The following HIVEP2 variants were observed in gnomAD, a reference collection of about 807,000 sequenced individuals.
The protein encoded by HIVEP2 is HIVEP zinc finger 2, also known as transcription factor HIVEP2.
A neutral mutation model predicts 180.7 loss-of-function variants in HIVEP2; 14 were observed. The ratio of observed to expected loss-of-function variants is 0.08; its 90% CI spans 0.05 to 0.12. The LOEUF (loss-of-function observed/expected upper bound fraction) is 0.12. Ranked by LOEUF, HIVEP2 falls within the 10% of genes least tolerant of loss-of-function variation. The pLI, the probability that HIVEP2 is intolerant of heterozygous loss-of-function variation, is 1.00. For missense variants in HIVEP2, 2,579 were observed against 3,008.5 expected, an observed-to-expected ratio of 0.86 and a Z score of 3.34; for synonymous variants, 1,184 against 1,136.4, an observed-to-expected ratio of 1.04 and a Z score of -0.84.
At chr6:142,858,357 C>T (rs554435646) in intron 1 of HIVEP2, among the ~76,000 whole-genome samples, 1 of 152,046 alleles carries the variant, frequency 6.6e-6, no homozygotes, top group Non-Finnish European at 1.5e-5. Context: ...CTAATTAACA[C>T]ACAGGCATGA....
At chr6:142,763,455 G>T (rs1400648694) in intron 7 of HIVEP2, among the ~76,000 whole-genome samples, 1 of 152,172 alleles carries the variant, frequency 6.6e-6, no homozygotes, top group Non-Finnish European at 1.5e-5. Flanking sequence ...TTCCCAAAGG[G>T]TGACAAGGAA....
At position 142,773,348 on chromosome 6, in the gene HIVEP2, G is replaced by C; in HGVS notation, c.1391C>G (p.Thr464Ser). The C allele has an allele frequency of 4.3e-6, 7 of 1,614,134 alleles. No individual in the cohort carries two copies. The highest frequency in any genetic ancestry group is 5.9e-6 in the Non-Finnish European group (7 of 1,180,018). The change falls in exon 5 of 10, where the codon ACC becomes AGC. Residue 464 changes from threonine to serine, a missense_variant. Transcript: ENST00000367603. ...TTCAAACATCTTGACATCTAACCTG[G>C]TGTTAACGTGAGGTAATGGTTCCAT... Reference protein sequence around the residue: ...GIMEPLPHVNTRLDVKMFEDP... With the variant: ...GIMEPLPHVNSRLDVKMFEDP...
At chr6:142,824,070 A>C (rs1404340007) in intron 2 of HIVEP2, among the ~76,000 whole-genome samples, 1 of 152,178 alleles carries the variant, frequency 6.6e-6, no homozygotes, top group Non-Finnish European at 1.5e-5. Context: ...AATATTTTGT[A>C]TATGTTGAAT....
At chr6:142,903,359 G>C (rs1489015456) in intron 1 of HIVEP2, among the ~76,000 whole-genome samples, 1 of 152,144 alleles carries the variant, frequency 6.6e-6, no homozygotes, top group Non-Finnish European at 1.5e-5. Flanking sequence ...AATAAACATA[G>C]TACTTCACTT....
intron 9 of HIVEP2, among the ~76,000 whole-genome samples, chr6:142,757,430 G>A (rs1233346436): frequency 6.6e-6 from 1 of 152,184 alleles, no homozygotes; most frequent in African/African-American, 2.4e-5. Flanking sequence ...GGAGGCCGAG[G>A]CAGGCGGATC....
chr6:142,848,834 A>G (rs1775579833), intron 1 of HIVEP2, among the ~76,000 whole-genome samples: 2 of 152,114 alleles, frequency 1.3e-5, no homozygotes, highest in African/African-American at 4.8e-5. Flanking sequence ...CCATGAACTG[A>G]TCTCTATTTA....
chr6:142,880,388 T>C (rs1776551900), intron 1 of HIVEP2, among the ~76,000 whole-genome samples: 1 of 152,096 alleles, frequency 6.6e-6, no homozygotes, highest in Non-Finnish European at 1.5e-5. Context: ...CAGAGAGGAA[T>C]TGGACCCTCC....
intron 1 of HIVEP2, among the ~76,000 whole-genome samples, chr6:142,896,784 G>T (rs1406896676): frequency 6.6e-6 from 1 of 152,094 alleles, no homozygotes. Context: ...GCTGCTCCAG[G>T]ATTCTGCTCA....
At chr6:142,798,354 C>A (rs557178351) in intron 2 of HIVEP2, among the ~76,000 whole-genome samples, 2 of 152,284 alleles carry the variant, frequency 1.3e-5, no homozygotes, top group East Asian at 3.9e-4. Flanking sequence ...GCTGAAAGCA[C>A]ACCACCACTG....
intron 1 of HIVEP2, among the ~76,000 whole-genome samples, chr6:142,930,957 T>C (rs1029628447): frequency 1.3e-5 from 2 of 152,166 alleles, no homozygotes; most frequent in Non-Finnish European, 2.9e-5. Context: ...CCATAATGAT[T>C]AAAAGAAAAG....
chr6:142,758,459 TGG>T, intron 9 of HIVEP2, among the ~76,000 whole-genome samples: 1 of 152,170 alleles, frequency 6.6e-6, no homozygotes, highest in Non-Finnish European at 1.5e-5. Flanking sequence ...AGCTGGGAGC[TGG>T]CAGTGTCTCC....
intron 1 of HIVEP2, among the ~76,000 whole-genome samples, chr6:142,882,905 T>A (rs1387734962): frequency 1.3e-5 from 2 of 152,126 alleles, no homozygotes; most frequent in African/African-American, 4.8e-5. Flanking sequence ...AAGGACCACA[T>A]ATTAACCAGG....
intron 1 of HIVEP2, among the ~76,000 whole-genome samples, chr6:142,877,627 GAA>G (rs71683763): frequency 8.6e-5 from 13 of 151,488 alleles, no homozygotes; most frequent in African/African-American, 2.2e-4. Flanking sequence ...AAAGTAAAGA[GAA>G]AAAAAAAATC....
intron 3 of HIVEP2, among the ~76,000 whole-genome samples, chr6:142,778,821 A>T (rs1444823626): frequency 6.6e-6 from 1 of 152,202 alleles, no homozygotes; most frequent in Non-Finnish European, 1.5e-5. Context: ...ATTACAACTT[A>T]AAATAATACA....
At chr6:142,878,001 T>C (rs1313445429) in intron 1 of HIVEP2, among the ~76,000 whole-genome samples, 3 of 152,142 alleles carry the variant, frequency 2.0e-5, no homozygotes, top group Admixed American at 6.6e-5. Context: ...TGTCTTAACA[T>C]GGAGCCCAAA....
At chr6:142,900,866 C>G (rs981907449) in intron 1 of HIVEP2, among the ~76,000 whole-genome samples, 4 of 152,144 alleles carry the variant, frequency 2.6e-5, no homozygotes, top group African/African-American at 9.7e-5. Context: ...CTCCCAGCCC[C>G]GTGCTTTGAA....
rs1479518098 is a variant in HIVEP2 at position 142,771,814 on chromosome 6, G to A, written c.2925C>T (p.His975=). 6.2e-7 allele frequency: 1 copy of A among 1,614,238 alleles called. No homozygotes were observed. Among genetic ancestry groups the A allele is most frequent in the South Asian group, 1.1e-5 (1 of 91,088 alleles). The part of the protein sequence containing the change: ...RSPSQESNLS[H]SSSFSMSFER... ...CAAAAGACATGGAGAAACTGGAGCTGTGGGACAAGTTGCTTTCTTGGCTGG... is the reference window on the plus strand; with the variant it reads ...CAAAAGACATGGAGAAACTGGAGCTATGGGACAAGTTGCTTTCTTGGCTGG... The change falls in exon 5 of 10, where the codon CAC becomes CAT. Residue 975 remains histidine (H), a synonymous_variant. Coordinates refer to ENST00000367603, the MANE Select transcript of HIVEP2 (RefSeq NM_006734.4). This position sits in a 1 kb window ranked among gnomAD's most constrained non-coding sequence, Gnocchi z 5.4.
At chr6:142,914,692 C>A (rs1023649486) in intron 1 of HIVEP2, among the ~76,000 whole-genome samples, 3 of 152,166 alleles carry the variant, frequency 2.0e-5, no homozygotes, top group African/African-American at 7.2e-5. Context: ...CAATTGAATG[C>A]ACAACCCAGC....
chr6:142,891,958 G>A (rs1776871014), intron 1 of HIVEP2, among the ~76,000 whole-genome samples: 1 of 152,026 alleles, frequency 6.6e-6, no homozygotes, highest in Non-Finnish European at 1.5e-5. Flanking sequence ...TTTATTCTTT[G>A]ATCTTTTAGC....
Sources: allele counts gnomAD v4.1 joint callset (sites outside exome capture counted in the v4.1 genomes callset), GRCh38; gene constraint gnomAD v4.1.1; non-coding constraint Gnocchi (gnomAD v3.1); transcripts MANE v1.5; gene names NCBI Gene and HGNC (gene_info 2026-07-23, HGNC 2026-07-21).